The following NCK1 variants were observed in gnomAD, a reference collection of about 807,000 sequenced individuals.
NCK1 encodes SH2/SH3 adapter protein NCK1.
Under a neutral mutation model 36.6 loss-of-function variants are expected in NCK1, and 19 were observed. The ratio of observed to expected loss-of-function variants is 0.52; its 90% CI spans 0.36 to 0.76. NCK1 has a LOEUF of 0.76. NCK1 is among the 30% of genes least tolerant of loss of function. The pLI is 0.00. For synonymous variants in NCK1, 165 were observed against 156.0 expected, an observed-to-expected ratio of 1.06 and a Z score of -0.43; for missense variants, 358 against 445.6, an observed-to-expected ratio of 0.80 and a Z score of 1.77.
chr3:136,891,857 A>G (rs564652827), intron 1 of NCK1, among the ~76,000 whole-genome samples: 7 of 152,136 alleles, frequency 4.6e-5, no homozygotes, highest in South Asian at 4.1e-4. Flanking sequence ...AGAAGTGTCT[A>G]TTCAATTCCT....
chr3:136,924,892 A>G (rs10804645), intron 1 of NCK1, among the ~76,000 whole-genome samples: 115,736 of 152,000 alleles, frequency 0.76, 44,389 homozygotes, highest in East Asian at 0.92. Context: ...GGGTTAAAAA[A>G]GGGAAAAGGT....
chr3:136,927,631 C>T (rs1254489918), intron 1 of NCK1, among the ~76,000 whole-genome samples: 1 of 152,148 alleles, frequency 6.6e-6, no homozygotes, highest in Admixed American at 6.5e-5. Context: ...AAGCTATTCC[C>T]ATGCCTCAGC....
At chr3:136,870,858 A>T (rs1460239750) in intron 1 of NCK1, among the ~76,000 whole-genome samples, 1 of 151,976 alleles carries the variant, frequency 6.6e-6, no homozygotes, top group Non-Finnish European at 1.5e-5. Context: ...TGGCTCCTTT[A>T]GGTTAATCAG....
chr3:136,880,617 A>T (rs1938906701), intron 1 of NCK1, among the ~76,000 whole-genome samples: 1 of 152,100 alleles, frequency 6.6e-6, no homozygotes, highest in Non-Finnish European at 1.5e-5. Flanking sequence ...AACTTAAGAC[A>T]ATCAACAAAC....
intron 1 of NCK1, among the ~76,000 whole-genome samples, chr3:136,892,170 G>C (rs191225453): frequency 1.5e-4 from 23 of 152,152 alleles, no homozygotes; most frequent in African/African-American, 5.1e-4. Flanking sequence ...TTATAGGTGT[G>C]AGTCACCACA....
At chr3:136,871,094 T>A (rs1164715618) in intron 1 of NCK1, among the ~76,000 whole-genome samples, 1 of 152,076 alleles carries the variant, frequency 6.6e-6, no homozygotes, top group Non-Finnish European at 1.5e-5. Context: ...GCTTACTAAT[T>A]TTTTTTTAAA....
chr3:136,942,797 G>A (rs532767235), intron 2 of NCK1, among the ~76,000 whole-genome samples: 1 of 152,164 alleles, frequency 6.6e-6, no homozygotes, highest in East Asian at 1.9e-4. Flanking sequence ...CCCAGTTGTT[G>A]TCCCTTGCCC....
chr3:136,876,014 C>A (rs1938756349), intron 1 of NCK1, among the ~76,000 whole-genome samples: 1 of 151,846 alleles, frequency 6.6e-6, no homozygotes, highest in Non-Finnish European at 1.5e-5. Flanking sequence ...CAAAACCGCT[C>A]AACTACATGG....
chr3:136,931,526 C>T (rs910254255), intron 2 of NCK1, among the ~76,000 whole-genome samples: 1 of 151,870 alleles, frequency 6.6e-6, no homozygotes, highest in African/African-American at 2.4e-5. Context: ...TATGTCTCTT[C>T]TGTTTACTTT....
At chr3:136,863,960 G>T (rs1040549638) in intron 1 of NCK1, among the ~76,000 whole-genome samples, 1 of 151,474 alleles carries the variant, frequency 6.6e-6, no homozygotes, top group Admixed American at 6.6e-5. Context: ...AAGTAGCCGG[G>T]CGTGGTGGCG....
chr3:136,916,552 G>A (rs1252306121), intron 1 of NCK1, among the ~76,000 whole-genome samples: 1 of 152,070 alleles, frequency 6.6e-6, no homozygotes, highest in Non-Finnish European at 1.5e-5. Flanking sequence ...ATGCTTACTA[G>A]AAGAGATGAC....
chr3:136,867,177 CTTCTTTCT>C lies in NCK1; in HGVS notation c.-19+4831_-19+4838del, dbSNP rs1172633221. ...CCTTCCTTCCTTCCTTCCTTCCTTC[CTTCTTTCT>C]TTCTTTTCTTTCTTTTCCCTTCCTT... is the stretch of plus-strand genomic sequence containing the variant. On this transcript the variant is annotated intron_variant, in intron 1 of 3. Coordinates refer to ENST00000481752, the MANE Select transcript of NCK1 (RefSeq NM_001291999.2). Among the ~76,000 whole-genome samples the C allele has an allele frequency of 1.1e-3, 28 of 25,568 alleles. 2 individuals carry two copies. Among genetic ancestry groups the C allele is most frequent in the African/African-American group, 2.4e-3 (22 of 9,316 alleles). 16.8% of individuals were successfully genotyped at this position (25,568 alleles called of 152,430 possible).
At chr3:136,929,188 T>G (rs1940329350) in intron 2 of NCK1, among the ~76,000 whole-genome samples, 1 of 152,162 alleles carries the variant, frequency 6.6e-6, no homozygotes, top group Non-Finnish European at 1.5e-5. Context: ...CCACCTCAGC[T>G]TCCTGAGTAG....
chr3:136,945,869 T>C lies in NCK1; in HGVS notation c.513T>C (p.His171=), dbSNP rs1940803936. Residue 171 remains histidine, a synonymous_variant, in exon 3 of 4, where the codon CAT becomes CAC. Coordinates refer to ENST00000481752, the MANE Select transcript of NCK1 (RefSeq NM_001291999.2). ...TEEGDSPLGD[H]VGSLSEKLAA... Reference sequence around the variant, plus strand: ...AAGGTGACAGTCCTTTGGGTGACCATGTGGGTTCTCTGTCAGAGAAATTAG... The same window carrying C: ...AAGGTGACAGTCCTTTGGGTGACCACGTGGGTTCTCTGTCAGAGAAATTAG... 14 of 1,614,080 alleles carry C rather than the reference T, an allele frequency of 8.7e-6. No individual in the cohort carries two copies. Among genetic ancestry groups the C allele is most frequent in the Middle Eastern group, 3.3e-4 (2 of 6,062 alleles).
At chr3:136,864,132 C>T (rs1938340227) in intron 1 of NCK1, among the ~76,000 whole-genome samples, 2 of 151,662 alleles carry the variant, frequency 1.3e-5, no homozygotes. Context: ...ATTTATTTTT[C>T]TAGGCATTAT....
chr3:136,866,893 G>A (rs1004211707), intron 1 of NCK1, among the ~76,000 whole-genome samples: 2 of 152,016 alleles, frequency 1.3e-5, no homozygotes, highest in Admixed American at 6.6e-5. Context: ...GATTACAGGC[G>A]TGAGCCACTG....
chr3:136,908,907 G>A (rs1939762722), intron 1 of NCK1, among the ~76,000 whole-genome samples: 1 of 152,188 alleles, frequency 6.6e-6, no homozygotes, highest in Non-Finnish European at 1.5e-5. Flanking sequence ...TGATGCAGTG[G>A]TGTTGGGAGG....
intron 1 of NCK1, among the ~76,000 whole-genome samples, chr3:136,914,162 TTCTGTG>T (rs1257973732): frequency 2.0e-5 from 3 of 152,210 alleles, no homozygotes; most frequent in Non-Finnish European, 4.4e-5. Flanking sequence ...AGCTGCCTGC[TTCTGTG>T]TCTGTATCTC....
intron 2 of NCK1, among the ~76,000 whole-genome samples, chr3:136,945,259 A>C (rs1408034210): frequency 1.5e-4 from 23 of 152,206 alleles, no homozygotes; most frequent in Non-Finnish European, 2.8e-4. Flanking sequence ...GCTATGAAAG[A>C]AATCTATATT....
Sources: allele counts gnomAD v4.1 joint callset (sites outside exome capture counted in the v4.1 genomes callset), GRCh38; gene constraint gnomAD v4.1.1; transcripts MANE v1.5; gene names NCBI Gene and HGNC (gene_info 2026-07-23, HGNC 2026-07-21).